Variants in ZSCAN16 observed in about 807,000 individuals in gnomAD.
ZSCAN16 encodes the protein zinc finger and SCAN domain containing 16.
ZSCAN16 carries 15 observed loss-of-function variants against 19.4 expected under a neutral mutation model. The observed-to-expected ratio is 0.77, with a 90% CI of 0.52 to 1.19. The LOEUF (loss-of-function observed/expected upper bound fraction) is 1.19, where lower values mean the gene tolerates loss of function less well. Ranked by LOEUF, ZSCAN16 falls within the 50% of genes most tolerant of loss-of-function variation. The pLI is 0.00. For synonymous variants in ZSCAN16, 138 were observed against 146.5 expected (o/e 0.94, Z 0.42); for missense variants, 327 against 415.7 (o/e 0.79, Z 1.86).
In ZSCAN16 at chr6:28,129,755, A is replaced by C; in HGVS notation, c.852A>C (p.Arg284Ser). ...GCTCACATCTCATTGGACATCATAG[A>C]GTACACACGGGAGTAAAACCCTATA... The part of the protein sequence containing the change: ...IQRSHLIGHH[R>S]VHTGVKPYKC... The change falls in exon 4 of 4, where the codon AGA becomes AGC. Residue 284 changes from arginine to serine, a missense_variant. Arg to Ser is a moderately radical substitution (Grantham distance 110). Transcript: ENST00000340487. 6.2e-7 allele frequency: 1 copy of C among 1,614,172 alleles called. No homozygotes were observed.
At chr6:28,124,891 G>A (rs1050456338) in intron 1 of ZSCAN16, among the ~76,000 whole-genome samples, 4 of 152,224 alleles carry the variant, frequency 2.6e-5, no homozygotes, top group African/African-American at 9.6e-5. Flanking sequence ...CTCTGCAGAG[G>A]CATCTGTCTG....
Position 28,126,933 on chromosome 6 carries a change from C to G in ZSCAN16, c.526+12C>G. On this transcript the variant is annotated intron_variant, in intron 3 of 3. Transcript: ENST00000340487. Reference sequence around the variant, plus strand: ...ACCACAAAGGAATGGTAAGCAGGAACAGTTCTGAGTGTATGAGGGTAGAGG... The same window carrying G: ...ACCACAAAGGAATGGTAAGCAGGAAGAGTTCTGAGTGTATGAGGGTAGAGG... 1 of 1,559,408 alleles carries G rather than the reference C, an allele frequency of 6.4e-7. No individual in the cohort carries two copies. The highest frequency in any genetic ancestry group is 8.7e-7 in the Non-Finnish European group (1 of 1,145,088).
In ZSCAN16 at chr6:28,125,215, TTTTTG is replaced by T. The variant is rs70983931; in HGVS notation, c.-31-174_-31-170del. On this transcript the variant is annotated intron_variant, in intron 1 of 3. Transcript: ENST00000340487. The surrounding 1 kb of genome is among the most constrained non-coding windows in gnomAD (Gnocchi z 6.2). ...TCAAATCATATCCCTGCGTCACTGT[TTTTTG>T]TTTTGTTTTGTTTTGTTTTGTTTCA... Among the ~76,000 whole-genome samples the T allele has an allele frequency of 3.4e-4, 51 of 151,290 alleles. No homozygotes were observed. The highest frequency in any genetic ancestry group is 4.2e-4 in the African/African-American group (17 of 40,868).
Position 28,125,640 on chromosome 6 carries a change from G to A in ZSCAN16, c.197G>A (p.Cys66Tyr). The change falls in exon 2 of 4, where the codon TGC becomes TAC. Residue 66 changes from cysteine to tyrosine, a missense_variant. Cys to Tyr is a radical substitution (Grantham distance 194). Coordinates refer to ENST00000340487, the MANE Select transcript of ZSCAN16 (RefSeq NM_025231.3). The surrounding 1 kb of genome is among the most constrained non-coding windows in gnomAD (Gnocchi z 6.2). Reference sequence around the variant, plus strand: ...GCTCTTACCCAGCTGTGGGAGCTCTGCCGTCAGTGGCTGAGGCCAGAATGC... The same window carrying A: ...GCTCTTACCCAGCTGTGGGAGCTCTACCGTCAGTGGCTGAGGCCAGAATGC... ...REALTQLWEL[C>Y]RQWLRPECHT... The A allele has an allele frequency of 6.2e-7, 1 of 1,614,240 alleles. No homozygotes were observed. Among genetic ancestry groups the A allele is most frequent in the Middle Eastern group, 1.6e-4 (1 of 6,062 alleles).
rs1764914409 is a variant in ZSCAN16, at chr6:28,126,709, G to C, written c.388-74G>C. On this transcript the variant is annotated intron_variant, in intron 2 of 3. Transcript: ENST00000340487. ...CCCCCTTTCTATGTCCCTGGAAGAT[G>C]TTTCATTTGATTGTTTTATCTGAAG... 6 of 1,230,270 alleles carry C rather than the reference G, an allele frequency of 4.9e-6. No individual in the cohort carries two copies. In the Admixed American group the frequency reaches 8.9e-5, roughly 18 times the overall value. The allele number at this position is 1,230,270 out of a possible 1,614,324, so 76.2% of individuals were successfully genotyped here. A position where few individuals can be genotyped will look rare whatever the true frequency, so the allele number is the denominator to read the frequency against.
Position 28,125,840 on chromosome 6 carries a change from G to A in ZSCAN16, c.387+10G>A. 1 of 1,582,034 alleles carries A rather than the reference G, an allele frequency of 6.3e-7. No individual in the cohort carries two copies. Among genetic ancestry groups the A allele is most frequent in the South Asian group, 1.1e-5 (1 of 87,874 alleles). On this transcript the variant is annotated intron_variant, in intron 2 of 3. Transcript: ENST00000340487. This position sits in a 1 kb window ranked among gnomAD's most constrained non-coding sequence, Gnocchi z 6.2. ...TGAACCTGGAAAGCAGGTGTGAAGG[G>A]GCAGTCATCTGGCTGTGAGTGATCA...
intron 2 of ZSCAN16, among the ~76,000 whole-genome samples, chr6:28,126,241 T>C (rs909184949): frequency 5.9e-5 from 9 of 151,558 alleles, no homozygotes; most frequent in Non-Finnish European, 8.8e-5. Flanking sequence ...AAGCTGTATA[T>C]GTATTTAAAT....
Position 28,129,819 on chromosome 6 carries a change from G to A in ZSCAN16, c.916G>A (p.Gly306Ser), listed in dbSNP as rs940228904. 1.2e-6 allele frequency: 2 copies of A among 1,614,034 alleles called. No homozygotes were observed. The highest frequency in any genetic ancestry group is 1.3e-5 in the African/African-American group (1 of 74,918). The change falls in exon 4 of 4, where the codon GGT (glycine) becomes AGT (serine). Residue 306 changes from glycine to serine, a missense_variant. By Grantham distance (56) the Gly-to-Ser change is moderately conservative. Transcript: ENST00000340487. ...ECGKDFSGRT[G>S]LIQHQRIHTG... ...TGGGAAAGACTTCAGTGGGCGCACA[G>A]GTCTTATTCAGCATCAGAGAATCCA...
chr6:28,128,716 C>T (rs747507906), intron 3 of ZSCAN16, among the ~76,000 whole-genome samples: 3 of 152,104 alleles, frequency 2.0e-5, no homozygotes, highest in Non-Finnish European at 4.4e-5. Flanking sequence ...TTCTGATGCA[C>T]AATAAGGTTA....
chr6:28,128,910 A>T (rs753218489), intron 3 of ZSCAN16, among the ~76,000 whole-genome samples: 2 of 152,122 alleles, frequency 1.3e-5, no homozygotes, highest in African/African-American at 4.8e-5. Flanking sequence ...ATTATCCTTC[A>T]AACACACTCC....
intron 2 of ZSCAN16, among the ~76,000 whole-genome samples, chr6:28,126,480 A>G (rs1764906287): frequency 6.6e-6 from 1 of 152,230 alleles, no homozygotes. Flanking sequence ...GCATGGTTAT[A>G]GAAGAAATGC....
rs769770985 is a variant in ZSCAN16, at chr6:28,129,615, T to C, written c.712T>C (p.Cys238Arg). 4.5e-5 allele frequency: 72 copies of C among 1,614,056 alleles called. No individual in the cohort carries two copies. The highest frequency in any genetic ancestry group is 6.0e-5 in the Non-Finnish European group (71 of 1,180,036). Residue 238 changes from cysteine to arginine, a missense_variant, in exon 4 of 4, where the codon TGT becomes CGT. Cys to Arg is a radical substitution (Grantham distance 180, BLOSUM62 -3). Coordinates refer to ENST00000340487, the MANE Select transcript of ZSCAN16 (RefSeq NM_025231.3). Reference sequence around the variant, plus strand: ...ACAGAGGGAAAGAAGACGATATAAATGTGATGAATGTGGGAAAAGTTTCAG... The same window carrying C: ...ACAGAGGGAAAGAAGACGATATAAACGTGATGAATGTGGGAAAAGTTTCAG... ...WQQRERRRYKCDECGKSFSHS... is the reference protein window; with the variant it reads ...WQQRERRRYKRDECGKSFSHS...
intron 2 of ZSCAN16, 89 bp from the exon 3 acceptor site, chr6:28,126,694 A>G (rs1267032612): frequency 4.6e-6 from 5 of 1,096,686 alleles, no homozygotes; most frequent in South Asian, 6.0e-5. Flanking sequence ...CCCCCTTTCT[A>G]TGTCCCTGGA....
chr6:28,126,629 C>T (rs1764911260), intron 2 of ZSCAN16, among the ~76,000 whole-genome samples, 154 bp from the exon 3 acceptor site: 2 of 152,290 alleles, frequency 1.3e-5, no homozygotes, highest in South Asian at 4.1e-4. Flanking sequence ...TAGAGATTAG[C>T]CTCTGTTCCT....
Position 28,125,873 on chromosome 6 carries a change from T to C in ZSCAN16, c.387+43T>C. 8 of 1,459,208 alleles carry C rather than the reference T, an allele frequency of 5.5e-6. No individual in the cohort carries two copies. Among genetic ancestry groups the C allele is most frequent in the Admixed American group, 4.4e-5 (2 of 45,466 alleles). 90.4% of individuals were successfully genotyped at this position (1,459,208 alleles called of 1,614,324 possible). ...TCTGGCTGTGAGTGATCAGGGGATA[T>C]GGATGGAGCCAAAGCAAAAGGCATA... On this transcript the variant is annotated intron_variant, in intron 2 of 3. Transcript: ENST00000340487. The surrounding 1 kb of genome is among the most constrained non-coding windows in gnomAD (Gnocchi z 6.2).
chr6:28,129,952 A>G lies in ZSCAN16; in HGVS notation c.*2A>G, dbSNP rs375917375. 16 of 1,553,628 alleles carry G rather than the reference A, an allele frequency of 1.0e-5. No individual in the cohort carries two copies. The highest frequency in any genetic ancestry group is 1.4e-5 in the Non-Finnish European group (16 of 1,152,454). On this transcript the variant is annotated 3_prime_UTR_variant, in exon 4 of 4. Coordinates refer to ENST00000340487, the MANE Select transcript of ZSCAN16 (RefSeq NM_025231.3). ...CATACCGCAAATAAACTCTACTAAT[A>G]TAGCAGTAATATCAAAAGTTCTTTG... is the stretch of plus-strand genomic sequence containing the variant.
rs201405736 is a variant in ZSCAN16, at chr6:28,129,471, G to C, written c.568G>C (p.Glu190Gln). ...TAAGAATGAAGAGTTGTTCCAGAAG[G>C]AAGATATGCCCAAAGACAAGGAATT... is the stretch of plus-strand genomic sequence containing the variant. The part of the protein sequence containing the change: ...RTKNEELFQK[E>Q]DMPKDKEFLG... The change falls in exon 4 of 4, where the codon GAA becomes CAA. Residue 190 changes from glutamate to glutamine, a missense_variant. Coordinates refer to ENST00000340487, the MANE Select transcript of ZSCAN16 (RefSeq NM_025231.3). 1 of 1,613,248 alleles carries C rather than the reference G, an allele frequency of 6.2e-7. No homozygotes were observed. The highest frequency in any genetic ancestry group is 1.3e-5 in the African/African-American group (1 of 74,838).
chr6:28,127,361 T>TACTACTAACTAGTTAGGCTAATA (rs551956308), intron 3 of ZSCAN16, among the ~76,000 whole-genome samples: 2 of 152,126 alleles, frequency 1.3e-5, no homozygotes, highest in African/African-American at 4.8e-5. Context: ...CAGGGTTAGT[T>TACTACTAACTAGTTAGGCTAATA]ACTAGTAAGG....
In ZSCAN16 at chr6:28,125,653, G is replaced by C. The variant is rs907377733; in HGVS notation, c.210G>C (p.Leu70=). ...TQLWELCRQW[L]RPECHTKEQI... ...TGTGGGAGCTCTGCCGTCAGTGGCT[G>C]AGGCCAGAATGCCACACCAAGGAGC... is the stretch of plus-strand genomic sequence containing the variant. Residue 70 remains leucine (L), a synonymous_variant, in exon 2 of 4, where the codon CTG becomes CTC. Coordinates refer to ENST00000340487, the MANE Select transcript of ZSCAN16 (RefSeq NM_025231.3). This position sits in a 1 kb window ranked among gnomAD's most constrained non-coding sequence, Gnocchi z 6.2. The C allele has an allele frequency of 6.2e-7, 1 of 1,614,148 alleles. No homozygotes were observed. The highest frequency in any genetic ancestry group is 1.3e-5 in the African/African-American group (1 of 74,956).
Sources: gnomAD v4.1 joint callset for allele counts (sites outside exome capture counted in the v4.1 genomes callset) on GRCh38, gnomAD v4.1.1 for gene constraint, Gnocchi (gnomAD v3.1) non-coding constraint, MANE v1.5 for transcripts, NCBI Gene and HGNC (gene_info 2026-07-23, HGNC 2026-07-21) for gene names.